The following ADGB variants were observed in gnomAD, a reference collection of about 807,000 sequenced individuals.
ADGB encodes androglobin.
ADGB carries 172 observed loss-of-function variants against 210.5 expected under a neutral mutation model. The observed-to-expected ratio is 0.82, with a 90% confidence interval of 0.72 to 0.93. ADGB has a LOEUF of 0.93. Ranked by LOEUF, ADGB falls within the 40% of genes least tolerant of loss-of-function variation. ADGB has a pLI of 0.00. For synonymous variants in ADGB, 658 were observed against 662.7 expected, an observed-to-expected ratio of 0.99 and a Z score of 0.11; for missense variants, 2,025 against 1,964.8, an observed-to-expected ratio of 1.03 and a Z score of -0.58.
intron 5 of ADGB, among the ~76,000 whole-genome samples, chr6:146,660,325 T>C (rs1775837888): frequency 6.6e-6 from 1 of 152,218 alleles, no homozygotes; most frequent in Non-Finnish European, 1.5e-5. Context: ...TCATTATATG[T>C]AATATTATAC....
Position 146,663,128 on chromosome 6 carries a change from TA to T in ADGB, c.613-1071del, listed in dbSNP as rs543803270. ...TTATAGTATAAATATAATAAATATA[TA>T]ATTATATATATAATTATAAATATAT... On this transcript the variant is annotated intron_variant, in intron 5 of 35. Transcript: ENST00000397944. Among the ~76,000 whole-genome samples the T allele has an allele frequency of 1.8e-3, 251 of 140,414 alleles. 2 individuals carry two copies. The highest frequency in any genetic ancestry group is 5.4e-3 in the African/African-American group (209 of 38,582). 92.1% of individuals were successfully genotyped at this position (140,414 alleles called of 152,430 possible). A position where few individuals can be genotyped will look rare whatever the true frequency, so the allele number is the denominator to read the frequency against.
At chr6:146,670,660 C>T (rs1454085512) in intron 7 of ADGB, among the ~76,000 whole-genome samples, 1 of 152,138 alleles carries the variant, frequency 6.6e-6, no homozygotes, top group Non-Finnish European at 1.5e-5. Context: ...TGTTGTTATT[C>T]TCTGTCTCTG....
Position 146,612,716 on chromosome 6 carries a change from G to A in ADGB, c.74+13602G>A, listed in dbSNP as rs143599850. On this transcript the variant is annotated intron_variant, in intron 1 of 35. Transcript: ENST00000397944. ...AGCTTTGTCATCTACCATTTTGCTG[G>A]TAGAATGGTCCTGCTCTTTTTAAAA... Among the ~76,000 whole-genome samples, 263 of 152,142 alleles carry A rather than the reference G, an allele frequency of 1.7e-3. 1 individual carries two copies. Among genetic ancestry groups the A allele is most frequent in the African/African-American group, 6.0e-3 (248 of 41,462 alleles).
At chr6:146,761,239 A>G (rs1777485205) in intron 27 of ADGB, among the ~76,000 whole-genome samples, 3 of 151,966 alleles carry the variant, frequency 2.0e-5, no homozygotes, top group Admixed American at 2.0e-4. Context: ...GTTTATTTCA[A>G]TGATGCATCT....
chr6:146,650,597 CAAAAAAAAAAAAAAAA>C (rs57913607), intron 3 of ADGB, among the ~76,000 whole-genome samples: 30 of 36,560 alleles, frequency 8.2e-4, no homozygotes, highest in South Asian at 3.0e-3. Flanking sequence ...TCCCTCCCAC[CAAAAAAAAAAAAAAAA>C]AAAAAAAAAA....
Position 146,700,920 on chromosome 6 carries a change from G to A in ADGB, c.1578-21G>A, listed in dbSNP as rs1326548141. ...CAGAAGATCAAAATAACAGAAGTTT[G>A]GGGTTTTGTTTTCCTTTTAGGCATT... is the stretch of plus-strand genomic sequence containing the variant. On this transcript the variant is annotated intron_variant, in intron 12 of 35. Coordinates refer to ENST00000397944, the MANE Select transcript of ADGB (RefSeq NM_024694.4). The A allele has an allele frequency of 2.6e-6, 4 of 1,537,950 alleles. No homozygotes were observed. The East Asian group carries it at 7.4e-5, about 28-fold the overall frequency.
chr6:146,665,287 G>C (rs1410764799), intron 6 of ADGB, among the ~76,000 whole-genome samples: 1 of 151,838 alleles, frequency 6.6e-6, no homozygotes, highest in Non-Finnish European at 1.5e-5. Context: ...CTCTCCCAAG[G>C]CTACAAAACA....
intron 13 of ADGB, among the ~76,000 whole-genome samples, chr6:146,706,238 T>G (rs192539762): frequency 6.6e-6 from 1 of 151,148 alleles, no homozygotes; most frequent in East Asian, 1.9e-4. Context: ...GACAGTTTTT[T>G]GTTTTTTTTT....
intron 3 of ADGB, among the ~76,000 whole-genome samples, chr6:146,648,849 AAT>A (rs1775658376): frequency 6.6e-6 from 1 of 151,748 alleles, no homozygotes; most frequent in Admixed American, 6.6e-5. Flanking sequence ...TATTTTTAGT[AAT>A]GTTAAATTTT....
chr6:146,800,467 TAAG>T lies in ADGB; in HGVS notation c.4538-712_4538-710del, dbSNP rs1467327290. Among the ~76,000 whole-genome samples the T allele has an allele frequency of 3.3e-5, 5 of 152,318 alleles. No individual in the cohort carries two copies. In the East Asian group the frequency reaches 9.6e-4, roughly 29 times the overall value. On this transcript the variant is annotated intron_variant, in intron 33 of 35. Transcript: ENST00000397944. ...TGGTCACACAACTTGGTAAATTTAC[TAAG>T]AAGTATTGAATTAGAACCTTAAAAT...
At chr6:146,747,377 T>C (rs1777255220) in intron 26 of ADGB, among the ~76,000 whole-genome samples, 1 of 152,190 alleles carries the variant, frequency 6.6e-6, no homozygotes, top group South Asian at 2.1e-4. Flanking sequence ...GGGCCACTAA[T>C]AGTCTAAAAA....
intron 12 of ADGB, among the ~76,000 whole-genome samples, chr6:146,695,336 T>C (rs1226663377): frequency 1.3e-5 from 2 of 152,130 alleles, no homozygotes; most frequent in Admixed American, 6.6e-5. Context: ...ATTTTTAGAA[T>C]TAGTTAACGT....
intron 13 of ADGB, among the ~76,000 whole-genome samples, chr6:146,712,419 T>C (rs1776671729): frequency 6.6e-6 from 1 of 152,112 alleles, no homozygotes; most frequent in Non-Finnish European, 1.5e-5. Context: ...ACTCCTAACC[T>C]CAGGTGATCC....
chr6:146,740,586 G>C lies in ADGB; in HGVS notation c.3016G>C (p.Val1006Leu). The C allele has an allele frequency of 6.5e-7, 1 of 1,550,280 alleles. No homozygotes were observed. The highest frequency in any genetic ancestry group is 8.7e-7 in the Non-Finnish European group (1 of 1,146,424). Reference protein sequence around the residue: ...QEQPPNSWFIVFRETFLVHQD... With the variant: ...QEQPPNSWFILFRETFLVHQD... ...ACAGCCACCAAATTCTTGGTTTATA[G>C]TATTCAGGTGAGGTTGTTATATAGT... The change falls in exon 24 of 36, where the codon GTA (valine) becomes CTA (leucine). Residue 1006 changes from valine to leucine, a missense_variant. Physicochemically the swap from Val to Leu is conservative, Grantham distance 32. Transcript: ENST00000397944.
At position 146,788,693 on chromosome 6, in the gene ADGB, C is replaced by T. The variant is rs1006874123; in HGVS notation, c.4537+83C>T. ...AAGATTTTAACTTAAACATCAGTGACGGCTAGGGCTATAGAAGTAGAAAAG... is the reference window on the plus strand; with the variant it reads ...AAGATTTTAACTTAAACATCAGTGATGGCTAGGGCTATAGAAGTAGAAAAG... On this transcript the variant is annotated intron_variant, in intron 33 of 35. Coordinates refer to ENST00000397944, the MANE Select transcript of ADGB (RefSeq NM_024694.4). The T allele has an allele frequency of 6.4e-5, 77 of 1,197,174 alleles. No homozygotes were observed. The Admixed American group carries it at 1.0e-3, about 16-fold the overall frequency. 74.2% of individuals were successfully genotyped at this position (1,197,174 alleles called of 1,614,324 possible).
intron 2 of ADGB, among the ~76,000 whole-genome samples, chr6:146,636,342 G>T (rs1039030501): frequency 6.6e-6 from 1 of 151,992 alleles, no homozygotes; most frequent in Non-Finnish European, 1.5e-5. Flanking sequence ...GTTCACAAAA[G>T]ATTGTATCAC....
rs140854030 is a variant in ADGB at position 146,750,240 on chromosome 6, G to T, written c.3366-2290G>T. 6.1e-3 allele frequency among the ~76,000 whole-genome samples: 929 copies of T among 152,124 alleles called. 12 individuals are homozygous for T. The highest frequency in any genetic ancestry group is 0.021 in the African/African-American group (886 of 41,514). On this transcript the variant is annotated intron_variant, in intron 26 of 35. Coordinates refer to ENST00000397944, the MANE Select transcript of ADGB (RefSeq NM_024694.4). ...TTATGCACAAACTAATTTCAAGGAG[G>T]AATAAAGAGTGGGGTTTATTTAAGA...
intron 20 of ADGB, among the ~76,000 whole-genome samples, chr6:146,732,695 TTAAG>T (rs1777011101): frequency 6.6e-6 from 1 of 152,192 alleles, no homozygotes; most frequent in African/African-American, 2.4e-5. Context: ...AGTACTACTA[TTAAG>T]TGATTAAAAA....
intron 35 of ADGB, among the ~76,000 whole-genome samples, chr6:146,809,952 A>C (rs967381389): frequency 6.6e-6 from 1 of 151,894 alleles, no homozygotes; most frequent in African/African-American, 2.4e-5. Flanking sequence ...GCAAACATAA[A>C]CAAGTAGGAC....
Sources: gnomAD v4.1 joint callset for allele counts (sites outside exome capture counted in the v4.1 genomes callset) on GRCh38, gnomAD v4.1.1 for gene constraint, MANE v1.5 for transcripts, NCBI Gene and HGNC (gene_info 2026-07-23, HGNC 2026-07-21) for gene names.